Variants in ZNF516 observed in about 807,000 individuals in gnomAD.
The protein encoded by ZNF516 is zinc finger protein 516.
A neutral mutation model predicts 79.7 loss-of-function variants in ZNF516; 19 were observed. The ratio of observed to expected loss-of-function variants is 0.24; its 90% confidence interval spans 0.17 to 0.35. The LOEUF (loss-of-function observed/expected upper bound fraction) is 0.35, where lower values mean the gene tolerates loss of function less well. Ranked by LOEUF, ZNF516 falls within the 10% of genes least tolerant of loss-of-function variation. The pLI is 1.00. For synonymous variants in ZNF516, 877 were observed against 739.5 expected (o/e 1.19, Z -3.02); for missense variants, 1,678 against 1,679.5 (o/e 1.00, Z 0.02).
intron 3 of ZNF516, among the ~76,000 whole-genome samples, chr18:76,397,191 G>C (rs1376609482): frequency 2.6e-5 from 4 of 152,182 alleles, no homozygotes; most frequent in African/African-American, 9.7e-5. Flanking sequence ...CATGGAGTAG[G>C]AAAGTGACAG....
At chr18:76,492,974 G>T (rs1164106056) in intron 1 of ZNF516, 1 of 985,444 alleles carries the variant, frequency 1.0e-6, no homozygotes, top group Non-Finnish European at 1.2e-6. Flanking sequence ...GCTCATGCAC[G>T]CGCACGCGCG....
chr18:76,370,332 G>A (rs575132629), intron 6 of ZNF516, among the ~76,000 whole-genome samples, 196 bp downstream of exon 6: 12 of 152,258 alleles, frequency 7.9e-5, no homozygotes, highest in African/African-American at 1.9e-4. Context: ...TGCACCACCC[G>A]GCTGGGAGGA....
chr18:76,460,339 T>C (rs1913023446), intron 2 of ZNF516, among the ~76,000 whole-genome samples: 1 of 152,190 alleles, frequency 6.6e-6, no homozygotes, highest in African/African-American at 2.4e-5. Flanking sequence ...GCCCATTCCC[T>C]GTCTTCCTGC....
intron 3 of ZNF516, chr18:76,387,160 T>C (rs945412925): frequency 6.6e-6 from 1 of 152,304 alleles, no homozygotes; most frequent in Non-Finnish European, 1.5e-5. Flanking sequence ...CCCTCTCATT[T>C]CAGCCACATC....
chr18:76,490,330 T>C (rs989757856), intron 1 of ZNF516: 1 of 274,264 alleles, frequency 3.6e-6, no homozygotes, highest in Admixed American at 6.5e-5. Flanking sequence ...AATAGTGGTA[T>C]GTGGCATATT....
chr18:76,427,684 AAC>A (rs1020217107), intron 3 of ZNF516, among the ~76,000 whole-genome samples: 1 of 152,230 alleles, frequency 6.6e-6, no homozygotes, highest in African/African-American at 2.4e-5. Flanking sequence ...CATAAAGTAA[AAC>A]ACAAATGAGA....
intron 1 of ZNF516, among the ~76,000 whole-genome samples, chr18:76,483,672 T>C (rs754898087): frequency 4.6e-5 from 7 of 152,214 alleles, no homozygotes; most frequent in Non-Finnish European, 4.4e-5. Flanking sequence ...TATGATTTTT[T>C]GGTGGCTTTT....
At chr18:76,464,159 A>T (rs959324573) in intron 1 of ZNF516, among the ~76,000 whole-genome samples, 7 of 152,094 alleles carry the variant, frequency 4.6e-5, no homozygotes, top group African/African-American at 1.4e-4. Context: ...CCCCGTCTGT[A>T]CTAAAAATAC....
intron 3 of ZNF516, among the ~76,000 whole-genome samples, chr18:76,408,727 T>C (rs2075333593): frequency 6.6e-6 from 1 of 152,246 alleles, no homozygotes. Context: ...CACGTTTGTG[T>C]TCGCTCGCTA....
In ZNF516 at chr18:76,442,988, C is replaced by T. The variant is rs1599100823; in HGVS notation, c.67G>A (p.Gly23Ser). The change falls in exon 3 of 7, where the codon GGC becomes AGC. Residue 23 changes from glycine to serine, a missense_variant. Gly to Ser is a moderately conservative substitution (Grantham distance 56). This residue lies in a region of ZNF516 where 62 missense variants were observed against 58.9 expected (regional missense o/e 1.05). Transcript: ENST00000443185. The stretch of plus-strand genomic sequence containing the variant: ...GCCTTGTCCCCATCCACCTCGTGGC[C>T]CCGGCCGGCCCTGGTGGGGCTGGGG... ...RGPSPTRAGRGHEVDGDKATC... is the reference protein window; with the variant it reads ...RGPSPTRAGRSHEVDGDKATC... 3 of 1,603,950 alleles carry T rather than the reference C, an allele frequency of 1.9e-6. No homozygotes were observed. The highest frequency in any genetic ancestry group is 2.2e-5 in the East Asian group (1 of 44,858).
chr18:76,488,326 C>A (rs974059714), intron 1 of ZNF516: 3 of 904,756 alleles, frequency 3.3e-6, no homozygotes, highest in Non-Finnish European at 4.0e-6. Context: ...GGTGCCAATT[C>A]GCAGGCAGCC....
Position 76,380,323 on chromosome 18 carries a change from A to G in ZNF516, c.1811-20T>C. On this transcript the variant is annotated intron_variant, in intron 3 of 6. Coordinates refer to ENST00000443185, the MANE Select transcript of ZNF516 (RefSeq NM_014643.4). ...GTCCCCCTAGAGGAGGCAAAATATG[A>G]AACGGGAAGTTACCATTTCTCATCA... The G allele has an allele frequency of 6.2e-7, 1 of 1,606,208 alleles. No homozygotes were observed.
chr18:76,496,291 ATTG>A (rs913640272), upstream of ZNF516: 3 of 1,289,120 alleles, frequency 2.3e-6, no homozygotes, highest in African/African-American at 3.0e-5. Flanking sequence ...TCCTGGCCGT[ATTG>A]TTCTCCTTCT....
intron 3 of ZNF516, among the ~76,000 whole-genome samples, chr18:76,408,082 T>A (rs992814078): frequency 3.9e-5 from 6 of 152,148 alleles, no homozygotes; most frequent in Admixed American, 1.3e-4. Context: ...ATATGGTTCA[T>A]GGGATGGCAA....
intron 3 of ZNF516, chr18:76,388,309 A>G (rs2075021916): frequency 6.6e-6 from 1 of 152,252 alleles, no homozygotes. Flanking sequence ...ACACTTAGCC[A>G]TCCACAGATA....
At chr18:76,427,191 A>G (rs914062564) in intron 3 of ZNF516, among the ~76,000 whole-genome samples, 8 of 152,170 alleles carry the variant, frequency 5.3e-5, no homozygotes, top group Admixed American at 2.6e-4. Context: ...ATTATTATAT[A>G]TTATTGGTTT....
chr18:76,470,151 T>C (rs1228336210), intron 1 of ZNF516, among the ~76,000 whole-genome samples: 2 of 152,162 alleles, frequency 1.3e-5, no homozygotes, highest in African/African-American at 4.8e-5. Flanking sequence ...AGTTTTCACG[T>C]TCTCAGATTT....
chr18:76,386,840 T>C (rs571291815), intron 3 of ZNF516: 3 of 152,284 alleles, frequency 2.0e-5, no homozygotes, highest in East Asian at 1.9e-4. Context: ...CAGCCAAACA[T>C]CTTAAATATT....
At position 76,361,241 on chromosome 18, in the gene ZNF516, C is replaced by T. The variant is rs1407321108; in HGVS notation, c.*1257G>A. ...AATATTACCATCACACATAGTGTCA[C>T]GGCAATGGGAAAAGAAAATATTTAT... On this transcript the variant is annotated 3_prime_UTR_variant, in exon 7 of 7. Transcript: ENST00000443185. The T allele has an allele frequency of 1.3e-5, 2 of 152,134 alleles. No individual in the cohort carries two copies. The highest frequency in any genetic ancestry group is 6.5e-5 in the Admixed American group (1 of 15,274). The allele number at this position is 152,134 out of a possible 1,614,324, so 9.4% of individuals were successfully genotyped here.
Sources: allele counts gnomAD v4.1 joint callset (sites outside exome capture counted in the v4.1 genomes callset), GRCh38; gene constraint gnomAD v4.1.1; regional missense constraint gnomAD v4.1.1; transcripts MANE v1.5; gene names NCBI Gene and HGNC (gene_info 2026-07-23, HGNC 2026-07-21).